The following BICC1 variants were observed in gnomAD, a reference collection of about 807,000 sequenced individuals.
The protein encoded by BICC1 is BicC family RNA binding protein 1.
Under a neutral mutation model 111.0 loss-of-function variants are expected in BICC1, and 43 were observed. The ratio of observed to expected loss-of-function variants is 0.39; its 90% CI spans 0.30 to 0.50. The LOEUF (loss-of-function observed/expected upper bound fraction) is 0.50, where lower values mean the gene tolerates loss of function less well. BICC1 is among the 20% of genes least tolerant of loss of function. The pLI is 0.88. For synonymous variants in BICC1, 467 were observed against 434.4 expected (o/e 1.07, Z -0.93); for missense variants, 1,091 against 1,203.2 (o/e 0.91, Z 1.38).
intron 3 of BICC1, among the ~76,000 whole-genome samples, chr10:58,735,589 G>A (rs12245876): frequency 0.037 from 5,636 of 152,172 alleles, 389 homozygotes; most frequent in African/African-American, 0.13. Context: ...CACCTTGCCA[G>A]GCAGAAGTTA....
chr10:58,647,451 A>C (rs1297210724), intron 2 of BICC1, among the ~76,000 whole-genome samples: 2 of 152,156 alleles, frequency 1.3e-5, no homozygotes, highest in African/African-American at 4.8e-5. Flanking sequence ...GGAAGAACTT[A>C]AAGATAATTC....
intron 1 of BICC1, among the ~76,000 whole-genome samples, chr10:58,554,272 G>A (rs1014159530): frequency 6.6e-6 from 1 of 152,052 alleles, no homozygotes; most frequent in Admixed American, 6.6e-5. Context: ...TAAGTGATGA[G>A]CTCTATTAGC....
intron 3 of BICC1, among the ~76,000 whole-genome samples, chr10:58,762,939 GT>G (rs1403247263): frequency 6.6e-6 from 1 of 152,174 alleles, no homozygotes; most frequent in East Asian, 1.9e-4. Flanking sequence ...ACCTGTGTTG[GT>G]TAGACTCAAT....
At chr10:58,744,533 T>G (rs1228499846) in intron 3 of BICC1, among the ~76,000 whole-genome samples, 1 of 152,070 alleles carries the variant, frequency 6.6e-6, no homozygotes, top group East Asian at 1.9e-4. Flanking sequence ...TAATAAAAAT[T>G]CATTAATATT....
chr10:58,680,257 G>A (rs537826083), intron 2 of BICC1, among the ~76,000 whole-genome samples: 10 of 152,270 alleles, frequency 6.6e-5, no homozygotes, highest in African/African-American at 2.4e-4. Context: ...CAGATGACAT[G>A]CCTGTATATG....
intron 1 of BICC1, among the ~76,000 whole-genome samples, chr10:58,583,088 CTT>C (rs890752155): frequency 3.9e-5 from 6 of 152,238 alleles, no homozygotes; most frequent in Admixed American, 3.3e-4. Context: ...TGTTCTGTGT[CTT>C]AATAAATGGT....
rs559720735 is a variant in BICC1, at chr10:58,546,728, A to T, written c.190+33395A>T. Among the ~76,000 whole-genome samples, 239 of 152,288 alleles carry T rather than the reference A, an allele frequency of 1.6e-3. 1 individual carries two copies. The highest frequency in any genetic ancestry group is 0.014 in the South Asian group (66 of 4,824). ...CCTAATTAAGTAAAAAACTTTTTTT[A>T]AAAAAATAATTTATTTTGTTATCCT... On this transcript the variant is annotated intron_variant, in intron 1 of 20. Transcript: ENST00000373886.
chr10:58,616,316 A>T (rs1247323071), intron 1 of BICC1, among the ~76,000 whole-genome samples: 1 of 152,168 alleles, frequency 6.6e-6, no homozygotes, highest in African/African-American at 2.4e-5. Context: ...AGAGATGTGG[A>T]TTGATTTGGT....
At chr10:58,718,577 G>GTAA (rs1448762995) in intron 3 of BICC1, among the ~76,000 whole-genome samples, 1 of 152,126 alleles carries the variant, frequency 6.6e-6, no homozygotes, top group Admixed American at 6.5e-5. Context: ...ACAAGTAATT[G>GTAA]ATGGATAATT....
chr10:58,749,650 C>G (rs546561100), intron 3 of BICC1, among the ~76,000 whole-genome samples: 6 of 152,020 alleles, frequency 3.9e-5, no homozygotes, highest in Non-Finnish European at 7.4e-5. Flanking sequence ...TCATTTCAAC[C>G]TGTTTCTCAA....
intron 3 of BICC1, among the ~76,000 whole-genome samples, chr10:58,736,896 G>C (rs1228582179): frequency 1.3e-5 from 2 of 152,050 alleles, no homozygotes; most frequent in East Asian, 3.9e-4. Flanking sequence ...ACGTTGATTT[G>C]ATTGAACAAA....
chr10:58,616,039 C>T (rs933457800), intron 1 of BICC1, among the ~76,000 whole-genome samples: 3 of 152,158 alleles, frequency 2.0e-5, no homozygotes. Context: ...GGCTACACAG[C>T]TCAGCAAAAG....
chr10:58,620,983 C>T (rs923257039), intron 2 of BICC1, 82 bp downstream of exon 2: 83 of 1,212,442 alleles, frequency 6.8e-5, no homozygotes, highest in South Asian at 1.4e-4. Flanking sequence ...AGCCACCGAA[C>T]GCTCCCCTTC....
chr10:58,678,056 A>G (rs971179650), intron 2 of BICC1, among the ~76,000 whole-genome samples: 3 of 152,206 alleles, frequency 2.0e-5, no homozygotes, highest in African/African-American at 7.2e-5. Context: ...TAAATATGGA[A>G]AGGAAAAAAC....
chr10:58,743,831 G>A (rs568174255), intron 3 of BICC1, among the ~76,000 whole-genome samples: 1 of 149,088 alleles, frequency 6.7e-6, no homozygotes, highest in Non-Finnish European at 1.5e-5. Flanking sequence ...AATAAAAATG[G>A]TTACTGCAGG....
chr10:58,555,365 T>C (rs996656533), intron 1 of BICC1, among the ~76,000 whole-genome samples: 2 of 140,458 alleles, frequency 1.4e-5, no homozygotes, highest in Non-Finnish European at 3.1e-5. Flanking sequence ...TAAGCAGCAA[T>C]ACTAAATGTT....
intron 3 of BICC1, among the ~76,000 whole-genome samples, chr10:58,764,313 C>T (rs2132694770): frequency 6.6e-6 from 1 of 152,164 alleles, no homozygotes; most frequent in Non-Finnish European, 1.5e-5. Flanking sequence ...ACCTAGAGAC[C>T]CTAGACTGAG....
intron 1 of BICC1, among the ~76,000 whole-genome samples, chr10:58,601,434 A>C (rs1272580786): frequency 6.6e-6 from 1 of 151,516 alleles, no homozygotes; most frequent in Non-Finnish European, 1.5e-5. Flanking sequence ...AATGACCTTA[A>C]AATGTTTGAA....
At chr10:58,827,402 A>G (rs1844430487) in intron 20 of BICC1, among the ~76,000 whole-genome samples, 1 of 152,242 alleles carries the variant, frequency 6.6e-6, no homozygotes, top group African/African-American at 2.4e-5. Context: ...TTTACCATAG[A>G]GCCAGTCAAG....
Sources: gnomAD v4.1 joint callset for allele counts (sites outside exome capture counted in the v4.1 genomes callset) on GRCh38, gnomAD v4.1.1 for gene constraint, MANE v1.5 for transcripts, NCBI Gene and HGNC (gene_info 2026-07-23, HGNC 2026-07-21) for gene names.